LINGO2: variants seen among roughly 807,000 people sequenced by gnomAD.
LINGO2 encodes leucine rich repeat and Ig domain containing 2, also known as leucine-rich repeat and immunoglobulin-like domain-containing nogo receptor-interacting protein 2.
LINGO2 carries 14 observed loss-of-function variants against 30.6 expected under a neutral mutation model. That is an observed-to-expected ratio of 0.46 (90% CI 0.30 to 0.72). The LOEUF (loss-of-function observed/expected upper bound fraction) is 0.72, where lower values mean the gene tolerates loss of function less well. Among genes scored for constraint, LINGO2 ranks in the 30% least tolerant of loss-of-function variants. The probability of loss-of-function intolerance (pLI) is 0.07; values close to 1 mark genes in which losing one functional copy is unlikely to be tolerated. For synonymous variants in LINGO2, 317 were observed against 288.5 expected (o/e 1.10, Z -1.00); for missense variants, 729 against 751.7 (o/e 0.97, Z 0.35).
chr9:28,851,598 T>A, the LINGO2 span, among the ~76,000 whole-genome samples: 1 of 152,054 alleles, frequency 6.6e-6, no homozygotes, highest in Admixed American at 6.6e-5. Flanking sequence ...ATTCTGCCTA[T>A]CACCTTGAGT....
intron 4 of LINGO2, among the ~76,000 whole-genome samples, chr9:28,237,118 G>T (rs1235721950): frequency 5.3e-4 from 5 of 9,462 alleles, no homozygotes; most frequent in Admixed American, 1.2e-3. Context: ...TAAACAGTGC[G>T]GGGGGGGGGT....
intron 1 of LINGO2, among the ~76,000 whole-genome samples, chr9:28,516,904 C>G (rs1378386705): frequency 6.6e-6 from 1 of 152,106 alleles, no homozygotes; most frequent in Admixed American, 6.6e-5. Flanking sequence ...ATTATTTTTT[C>G]TTTCTCAAAT....
At chr9:28,054,799 T>C (rs529413811) in intron 4 of LINGO2, among the ~76,000 whole-genome samples, 24 of 152,252 alleles carry the variant, frequency 1.6e-4, no homozygotes, top group African/African-American at 5.3e-4. Flanking sequence ...TAATTTTTAA[T>C]TTTCAATATT....
intron 4 of LINGO2, among the ~76,000 whole-genome samples, chr9:28,173,524 G>C (rs986634834): frequency 6.6e-6 from 1 of 152,112 alleles, no homozygotes; most frequent in Non-Finnish European, 1.5e-5. Context: ...CATAAGATGA[G>C]CAACTCATCT....
intron 1 of LINGO2, among the ~76,000 whole-genome samples, chr9:28,484,281 G>A (rs1221341043): frequency 6.6e-6 from 1 of 152,020 alleles, no homozygotes; most frequent in Non-Finnish European, 1.5e-5. Flanking sequence ...CCATAATGTG[G>A]TTCTCTTAGC....
At chr9:28,982,652 C>G in the LINGO2 span, among the ~76,000 whole-genome samples, 161 of 151,632 alleles carry the variant, frequency 1.1e-3, no homozygotes, top group Admixed American at 3.0e-3. Context: ...AAAGCTTTCA[C>G]AATAAATATA....
At chr9:28,082,308 C>T (rs774266489) in intron 4 of LINGO2, among the ~76,000 whole-genome samples, 20 of 151,994 alleles carry the variant, frequency 1.3e-4, no homozygotes, top group Admixed American at 9.8e-4. Context: ...CTCATATGGG[C>T]GCAGGTATGA....
chr9:28,256,931 T>C (rs1822400940), intron 4 of LINGO2, among the ~76,000 whole-genome samples: 1 of 151,974 alleles, frequency 6.6e-6, no homozygotes, highest in African/African-American at 2.4e-5. Context: ...AAGATGCTGC[T>C]ATGTACAATT....
At chr9:28,207,754 C>T (rs1191968691) in intron 4 of LINGO2, among the ~76,000 whole-genome samples, 1 of 152,086 alleles carries the variant, frequency 6.6e-6, no homozygotes, top group Non-Finnish European at 1.5e-5. Flanking sequence ...TTGAGAATTG[C>T]TGAGTATGAA....
At chr9:28,612,420 A>G (rs1825958184) in intron 1 of LINGO2, among the ~76,000 whole-genome samples, 1 of 152,120 alleles carries the variant, frequency 6.6e-6, no homozygotes, top group Non-Finnish European at 1.5e-5. Context: ...CTGGACAATC[A>G]ACACCAACAC....
intron 4 of LINGO2, among the ~76,000 whole-genome samples, chr9:28,226,638 A>G: frequency 1.7e-5 from 1 of 58,360 alleles, no homozygotes; most frequent in Admixed American, 1.9e-4. Flanking sequence ...AAAGAAGGAA[A>G]GAAGGAAAGA....
the LINGO2 span, among the ~76,000 whole-genome samples, chr9:29,083,691 G>C: frequency 6.6e-6 from 1 of 151,960 alleles, no homozygotes; most frequent in Non-Finnish European, 1.5e-5. Context: ...GAACTCTGAA[G>C]TTCACACTAA....
chr9:28,591,903 T>C (rs1443257223), intron 1 of LINGO2, among the ~76,000 whole-genome samples: 11 of 152,048 alleles, frequency 7.2e-5, no homozygotes, highest in Non-Finnish European at 1.5e-4. Flanking sequence ...CTGCCTTTAA[T>C]GGACCATAAG....
chr9:28,009,920 G>C (rs1822471570), intron 5 of LINGO2, among the ~76,000 whole-genome samples: 2 of 152,124 alleles, frequency 1.3e-5, no homozygotes, highest in African/African-American at 2.4e-5. Context: ...ACTTGCATGT[G>C]AACATTCATA....
chr9:28,764,037 C>A, the LINGO2 span, among the ~76,000 whole-genome samples: 1 of 151,034 alleles, frequency 6.6e-6, no homozygotes, highest in Non-Finnish European at 1.5e-5. Flanking sequence ...AAAAACCTCC[C>A]AACAACAACA....
At chr9:28,209,196 G>A (rs909501120) in intron 4 of LINGO2, among the ~76,000 whole-genome samples, 1 of 151,898 alleles carries the variant, frequency 6.6e-6, no homozygotes, top group African/African-American at 2.4e-5. Context: ...AACATTTTAC[G>A]ATGACATTGA....
At chr9:28,133,628 C>G (rs1827436144) in intron 4 of LINGO2, among the ~76,000 whole-genome samples, 1 of 152,130 alleles carries the variant, frequency 6.6e-6, no homozygotes. Context: ...GAGACAGGCT[C>G]AGAAAGCACT....
the LINGO2 span, among the ~76,000 whole-genome samples, chr9:28,874,935 TGACTATACCATGCTAA>T: frequency 3.3e-5 from 5 of 152,112 alleles, no homozygotes; most frequent in Admixed American, 6.6e-5. Flanking sequence ...TTGTACTGGT[TGACTATACCATGCTAA>T]GGCTTAACTA....
chr9:28,174,582 A>G (rs1277302183), intron 4 of LINGO2, among the ~76,000 whole-genome samples: 1 of 152,168 alleles, frequency 6.6e-6, no homozygotes, highest in African/African-American at 2.4e-5. Context: ...ATTTCCTTTT[A>G]GACATAACCA....
Sources: gnomAD v4.1 joint callset for allele counts (sites outside exome capture counted in the v4.1 genomes callset) on GRCh38, gnomAD v4.1.1 for gene constraint, MANE v1.5 for transcripts, NCBI Gene and HGNC (gene_info 2026-07-23, HGNC 2026-07-21) for gene names.